The following TNIK variants were observed in gnomAD, a reference collection of about 807,000 sequenced individuals.
TNIK encodes TRAF2 and NCK-interacting protein kinase.
Under a neutral mutation model 191.3 loss-of-function variants are expected in TNIK, and 49 were observed. The observed-to-expected ratio is 0.26, with a 90% CI of 0.20 to 0.32. The LOEUF is 0.32. TNIK is among the 10% of genes least tolerant of loss of function. The pLI, the probability that TNIK is intolerant of heterozygous loss-of-function variation, is 1.00. For missense variants in TNIK, 1,155 were observed against 1,702.3 expected (o/e 0.68, Z 5.66); for synonymous variants, 594 against 600.9 (o/e 0.99, Z 0.17).
At chr3:171,276,828 TA>T (rs776117817) in intron 2 of TNIK, among the ~76,000 whole-genome samples, 17 of 152,170 alleles carry the variant, frequency 1.1e-4, no homozygotes, top group Non-Finnish European at 1.8e-4. Flanking sequence ...TTTATTGCAG[TA>T]AAAAGTAGAG....
intron 7 of TNIK, among the ~76,000 whole-genome samples, chr3:171,178,210 G>T (rs746571687): frequency 1.3e-5 from 2 of 152,160 alleles, no homozygotes; most frequent in African/African-American, 2.4e-5. Context: ...GAGTGGAATG[G>T]CTGGATCAGA....
At chr3:171,431,332 T>C (rs573803261) in intron 1 of TNIK, among the ~76,000 whole-genome samples, 15 of 152,224 alleles carry the variant, frequency 9.9e-5, no homozygotes, top group Non-Finnish European at 1.9e-4. Flanking sequence ...TTTTTATATA[T>C]TTAGCGTCTT....
intron 10 of TNIK, among the ~76,000 whole-genome samples, chr3:171,166,389 T>C (rs1444620990): frequency 1.3e-5 from 2 of 152,174 alleles, no homozygotes; most frequent in Admixed American, 6.5e-5. Flanking sequence ...ACCATTTCTA[T>C]GCTAGTTAAA....
intron 2 of TNIK, among the ~76,000 whole-genome samples, chr3:171,295,341 T>A (rs1017061737): frequency 6.6e-6 from 1 of 152,170 alleles, no homozygotes; most frequent in South Asian, 2.1e-4. Context: ...GATATTAGCA[T>A]CTCTCCTTCC....
In TNIK at chr3:171,161,253, G is replaced by A; in HGVS notation, c.1016+17C>T. The A allele has an allele frequency of 6.2e-7, 1 of 1,609,280 alleles. No individual in the cohort carries two copies. ...TCAGAATGTGAACATTAGAAGACTTGGCTTTTGCTCTCATACCTGGGCTCT... is the reference window on the plus strand; with the variant it reads ...TCAGAATGTGAACATTAGAAGACTTAGCTTTTGCTCTCATACCTGGGCTCT... On this transcript the variant is annotated intron_variant, in intron 11 of 32. Transcript: ENST00000436636.
chr3:171,340,541 C>T (rs1014545482), intron 2 of TNIK, among the ~76,000 whole-genome samples: 1 of 152,194 alleles, frequency 6.6e-6, no homozygotes, highest in Non-Finnish European at 1.5e-5. Context: ...GATCCCATGG[C>T]ACACAACTCA....
intron 1 of TNIK, among the ~76,000 whole-genome samples, chr3:171,401,199 C>T (rs1720912565): frequency 1.3e-5 from 2 of 152,042 alleles, no homozygotes; most frequent in African/African-American, 2.4e-5. Context: ...GAGGGATCAC[C>T]CTTGAATGAA....
chr3:171,275,386 A>G (rs920091483), intron 2 of TNIK, among the ~76,000 whole-genome samples: 5 of 152,192 alleles, frequency 3.3e-5, no homozygotes, highest in Non-Finnish European at 5.9e-5. Flanking sequence ...GGAAATACAC[A>G]TAAGACAGGC....
At chr3:171,393,194 C>T (rs992150462) in intron 1 of TNIK, among the ~76,000 whole-genome samples, 15 of 152,182 alleles carry the variant, frequency 9.9e-5, no homozygotes, top group African/African-American at 3.4e-4. Context: ...CTGCATTCTG[C>T]CTGTAGAAGT....
intron 2 of TNIK, among the ~76,000 whole-genome samples, chr3:171,320,168 G>C (rs565383062): frequency 6.6e-6 from 1 of 152,240 alleles, no homozygotes; most frequent in Admixed American, 6.5e-5. Context: ...ACCCTTCCAC[G>C]TTGGCCTATT....
chr3:171,442,253 G>C (rs923721479), intron 1 of TNIK, among the ~76,000 whole-genome samples: 1 of 152,200 alleles, frequency 6.6e-6, no homozygotes, highest in African/African-American at 2.4e-5. Context: ...GATGCAACTT[G>C]CATTGTATCA....
chr3:171,330,883 A>AAG (rs1214435489), intron 2 of TNIK, among the ~76,000 whole-genome samples: 1 of 152,178 alleles, frequency 6.6e-6, no homozygotes, highest in African/African-American at 2.4e-5. Context: ...CCACCCAAAG[A>AAG]AGAGTAAATG....
At chr3:171,301,314 CTTT>C (rs36084093) in intron 2 of TNIK, among the ~76,000 whole-genome samples, 16 of 133,680 alleles carry the variant, frequency 1.2e-4, no homozygotes, top group Non-Finnish European at 2.1e-4. Context: ...ACTAGCTGGA[CTTT>C]TTTTTTTTTT....
rs926327872 is a variant in TNIK, at chr3:171,366,494, C to A, written c.123+3126G>T. Among the ~76,000 whole-genome samples the A allele has an allele frequency of 2.6e-5, 4 of 151,974 alleles. No homozygotes were observed. Among genetic ancestry groups the A allele is most frequent in the African/African-American group, 4.8e-5 (2 of 41,400 alleles). On this transcript the variant is annotated intron_variant, in intron 2 of 32. Transcript: ENST00000436636. This position sits in a 1 kb window ranked among gnomAD's most constrained non-coding sequence, Gnocchi z 4.1. Reference sequence around the variant, plus strand: ...TATATTTCAAGGTGTTCTCTGAATACCTACATATACTTTTTATTTATTATA... The same window carrying A: ...TATATTTCAAGGTGTTCTCTGAATAACTACATATACTTTTTATTTATTATA...
At position 171,157,652 on chromosome 3, in the gene TNIK, A is replaced by T. The variant is rs1283899443; in HGVS notation, c.1029T>A (p.Asn343Lys). The part of the protein sequence containing the change: ...NDSGEPSSIL[N>K]LPGESTLRRD... Reference sequence around the variant, plus strand: ...TCCGCAGCGTCGACTCCCCTGGCAGATTCAGGATGGAGCTGTGGGTAGGAG... The same window carrying T: ...TCCGCAGCGTCGACTCCCCTGGCAGTTTCAGGATGGAGCTGTGGGTAGGAG... Residue 343 changes from asparagine to lysine, a missense_variant, in exon 12 of 33, where the codon AAT becomes AAA. Physicochemically the swap from Asn to Lys is moderately conservative, Grantham distance 94 (BLOSUM62 0). Around this residue, in one of 3 missense-constraint regions of TNIK, gnomAD observed 225 missense variants for 438.9 expected, o/e 0.51. Transcript: ENST00000436636. The T allele has an allele frequency of 6.4e-7, 1 of 1,554,324 alleles. No individual in the cohort carries two copies. The highest frequency in any genetic ancestry group is 2.0e-5 in the Admixed American group (1 of 51,252).
chr3:171,407,654 TC>T (rs1721875545), intron 1 of TNIK, among the ~76,000 whole-genome samples: 1 of 152,212 alleles, frequency 6.6e-6, no homozygotes, highest in African/African-American at 2.4e-5. Flanking sequence ...ATCTCCATTT[TC>T]CAGAGGAACA....
intron 2 of TNIK, among the ~76,000 whole-genome samples, chr3:171,263,634 G>T (rs564929678): frequency 3.9e-5 from 6 of 151,956 alleles, no homozygotes; most frequent in African/African-American, 1.4e-4. Context: ...TTTCCTTTAG[G>T]AAAAATTCTT....
chr3:171,282,249 A>G (rs1750511076), intron 2 of TNIK, among the ~76,000 whole-genome samples: 1 of 151,924 alleles, frequency 6.6e-6, no homozygotes, highest in Non-Finnish European at 1.5e-5. Flanking sequence ...CAGAGTATTT[A>G]TAGGTCACTG....
Position 171,090,573 on chromosome 3 carries a change from A to G in TNIK, c.2722-3067T>C, listed in dbSNP as rs144057187. The stretch of plus-strand genomic sequence containing the variant: ...AGATACCAGGAAGGTGCTGTGTACA[A>G]AGGTCCATGGAGTCCCAGTAGAGGC... On this transcript the variant is annotated intron_variant, in intron 23 of 32. Transcript: ENST00000436636. Among the ~76,000 whole-genome samples, 11 of 151,166 alleles carry G rather than the reference A, an allele frequency of 7.3e-5. No homozygotes were observed. In the East Asian group the frequency reaches 2.1e-3, roughly 29 times the overall value.
Sources: gnomAD v4.1 joint callset for allele counts (sites outside exome capture counted in the v4.1 genomes callset) on GRCh38, gnomAD v4.1.1 for gene constraint, gnomAD v4.1.1 regional missense constraint, Gnocchi (gnomAD v3.1) non-coding constraint, MANE v1.5 for transcripts, NCBI Gene and HGNC (gene_info 2026-07-23, HGNC 2026-07-21) for gene names.